The following KCNJ3 variants were observed in gnomAD, a reference collection of about 807,000 sequenced individuals.
KCNJ3 encodes the protein G protein-activated inward rectifier potassium channel 1.
KCNJ3 carries 4 observed loss-of-function variants against 39.2 expected under a neutral mutation model. The observed-to-expected ratio is 0.10, with a 90% CI of 0.05 to 0.23. The LOEUF is 0.23. Among genes scored for constraint, KCNJ3 ranks in the 10% least tolerant of loss-of-function variants. The pLI is 1.00. For synonymous variants in KCNJ3, 230 were observed against 237.4 expected (o/e 0.97, Z 0.29); for missense variants, 276 against 634.9 (o/e 0.43, Z 6.08).
chr2:154,725,952 A>T (rs897267367), intron 2 of KCNJ3, among the ~76,000 whole-genome samples: 1 of 152,192 alleles, frequency 6.6e-6, no homozygotes, highest in Non-Finnish European at 1.5e-5. Context: ...CTTTTACAAA[A>T]ATCAACTCAG....
intron 2 of KCNJ3, among the ~76,000 whole-genome samples, chr2:154,731,433 T>C (rs1685447225): frequency 6.6e-6 from 1 of 152,080 alleles, no homozygotes; most frequent in Non-Finnish European, 1.5e-5. Flanking sequence ...CCTATGCCCA[T>C]TTTTCTGTTT....
intron 2 of KCNJ3, among the ~76,000 whole-genome samples, chr2:154,773,605 G>A (rs1259262048): frequency 6.6e-6 from 1 of 152,072 alleles, no homozygotes; most frequent in Non-Finnish European, 1.5e-5. Context: ...GTGAAGTCAT[G>A]TTTCAATTAA....
At chr2:154,826,566 G>T (rs1687275403) in intron 2 of KCNJ3, among the ~76,000 whole-genome samples, 1 of 152,098 alleles carries the variant, frequency 6.6e-6, no homozygotes, top group Admixed American at 6.6e-5. Context: ...AATAAGCTTT[G>T]CAGACATAAA....
chr2:154,822,057 C>T (rs1294583189), intron 2 of KCNJ3, among the ~76,000 whole-genome samples: 2 of 152,080 alleles, frequency 1.3e-5, no homozygotes. Flanking sequence ...TTACTGTTCA[C>T]TACCTATACA....
intron 2 of KCNJ3, among the ~76,000 whole-genome samples, chr2:154,834,091 T>C (rs965286582): frequency 3.3e-5 from 5 of 152,170 alleles, no homozygotes; most frequent in African/African-American, 1.2e-4. Flanking sequence ...GGTAAAAATA[T>C]GTTTAGTTTT....
intron 2 of KCNJ3, among the ~76,000 whole-genome samples, chr2:154,843,847 C>G (rs1687620160): frequency 6.6e-6 from 1 of 152,112 alleles, no homozygotes. Flanking sequence ...TCTAATCTTT[C>G]TTTTTTCAAG....
In KCNJ3 at chr2:154,702,016, G is replaced by C. The variant is rs542105808; in HGVS notation, c.702+2539G>C. Reference sequence around the variant, plus strand: ...TTCAGCAAAATTAGAGGGGAGATTTGCCTTTAATAAGTTGCTCTCATTTTC... The same window carrying C: ...TTCAGCAAAATTAGAGGGGAGATTTCCCTTTAATAAGTTGCTCTCATTTTC... On this transcript the variant is annotated intron_variant, in intron 1 of 2. Coordinates refer to ENST00000295101, the MANE Select transcript of KCNJ3 (RefSeq NM_002239.4). Among the ~76,000 whole-genome samples the C allele has an allele frequency of 3.3e-5, 5 of 152,038 alleles. No individual in the cohort carries two copies. In the South Asian group the frequency reaches 8.3e-4, roughly 25 times the overall value.
Position 154,851,175 on chromosome 2 carries a change from G to C in KCNJ3, c.920-3552G>C, listed in dbSNP as rs553679670. ...GAAGATTGCTTGAGCCCAGGGGTTT[G>C]AGGCTGCAGTGAGCTATGATCCCAC... On this transcript the variant is annotated intron_variant, in intron 2 of 2. Coordinates refer to ENST00000295101, the MANE Select transcript of KCNJ3 (RefSeq NM_002239.4). Among the ~76,000 whole-genome samples, 427 of 152,110 alleles carry C rather than the reference G, an allele frequency of 2.8e-3. 4 individuals carry two copies. The highest frequency in any genetic ancestry group is 0.01 in the African/African-American group (420 of 41,472).
intron 2 of KCNJ3, among the ~76,000 whole-genome samples, chr2:154,819,570 C>T (rs1308488384): frequency 3.3e-5 from 5 of 151,682 alleles, no homozygotes; most frequent in African/African-American, 1.2e-4. Context: ...CTTGTTTTGT[C>T]ACCAGGCTGG....
chr2:154,844,100 G>A (rs1014056511), intron 2 of KCNJ3, among the ~76,000 whole-genome samples: 2 of 152,218 alleles, frequency 1.3e-5, no homozygotes, highest in African/African-American at 4.8e-5. Context: ...TTTGGTCTTT[G>A]ATGTTGGTGA....
At chr2:154,738,694 T>C (rs899039225) in intron 2 of KCNJ3, among the ~76,000 whole-genome samples, 4 of 151,852 alleles carry the variant, frequency 2.6e-5, no homozygotes, top group African/African-American at 9.7e-5. Flanking sequence ...TCAAAATGAA[T>C]GCAAGACAGA....
chr2:154,711,240 G>A (rs192360746), intron 2 of KCNJ3, among the ~76,000 whole-genome samples: 41 of 151,874 alleles, frequency 2.7e-4, no homozygotes, highest in East Asian at 2.3e-3. Flanking sequence ...ATAAAGGCTC[G>A]TAGTCCAAGA....
At chr2:154,759,009 A>G (rs1685989150) in intron 2 of KCNJ3, among the ~76,000 whole-genome samples, 1 of 152,204 alleles carries the variant, frequency 6.6e-6, no homozygotes, top group Non-Finnish European at 1.5e-5. Flanking sequence ...CTCTAAAAAC[A>G]GAAAAACAAG....
intron 2 of KCNJ3, among the ~76,000 whole-genome samples, chr2:154,849,799 T>C (rs1349073767): frequency 6.6e-6 from 1 of 152,158 alleles, no homozygotes; most frequent in African/African-American, 2.4e-5. Context: ...AGATCTGTTC[T>C]TTGAATGAAT....
At chr2:154,724,125 GTTAAA>G (rs1458705472) in intron 2 of KCNJ3, among the ~76,000 whole-genome samples, 1 of 152,098 alleles carries the variant, frequency 6.6e-6, no homozygotes, top group Non-Finnish European at 1.5e-5. Flanking sequence ...CTTGATATAT[GTTAAA>G]TTAGATTTAT....
chr2:154,821,581 CT>C (rs1425795365), intron 2 of KCNJ3, among the ~76,000 whole-genome samples: 1 of 149,860 alleles, frequency 6.7e-6, no homozygotes, highest in Non-Finnish European at 1.5e-5. Flanking sequence ...CTTGCAGTGA[CT>C]GAGCAGATAT....
At chr2:154,823,619 T>C (rs1687220396) in intron 2 of KCNJ3, among the ~76,000 whole-genome samples, 1 of 152,180 alleles carries the variant, frequency 6.6e-6, no homozygotes. Flanking sequence ...TCCTTGTTTT[T>C]TATTCCCCTT....
chr2:154,847,672 CA>C (rs1056929014), intron 2 of KCNJ3, among the ~76,000 whole-genome samples: 3 of 152,104 alleles, frequency 2.0e-5, no homozygotes, highest in African/African-American at 4.8e-5. Flanking sequence ...AGAAAATTAT[CA>C]ATATTTATTG....
At chr2:154,787,328 T>G (rs557297669) in intron 2 of KCNJ3, among the ~76,000 whole-genome samples, 6 of 152,292 alleles carry the variant, frequency 3.9e-5, no homozygotes, top group African/African-American at 1.4e-4. Context: ...CAGTCTTTTT[T>G]TTTCTTTTTT....
Sources: allele counts gnomAD v4.1 joint callset (sites outside exome capture counted in the v4.1 genomes callset), GRCh38; gene constraint gnomAD v4.1.1; transcripts MANE v1.5; gene names NCBI Gene and HGNC (gene_info 2026-07-23, HGNC 2026-07-21).